Variants in NEDD4L observed in about 807,000 individuals in gnomAD.
The protein encoded by NEDD4L is NEDD4 like E3 ubiquitin protein ligase, also known as E3 ubiquitin-protein ligase NEDD4-like.
NEDD4L carries 54 observed loss-of-function variants against 148.9 expected under a neutral mutation model. That is an observed-to-expected ratio of 0.36 (90% confidence interval 0.29 to 0.45). NEDD4L has a LOEUF of 0.45. NEDD4L is among the 20% of genes least tolerant of loss of function. NEDD4L has a pLI of 1.00. For synonymous variants in NEDD4L, 433 were observed against 440.7 expected (o/e 0.98, Z 0.22); for missense variants, 856 against 1,233.8 (o/e 0.69, Z 4.59).
Position 58,235,131 on chromosome 18 carries a change from C to CT in NEDD4L, c.123-10295dup, listed in dbSNP as rs568378292. On this transcript the variant is annotated intron_variant, in intron 2 of 30. Coordinates refer to ENST00000400345, the MANE Select transcript of NEDD4L (RefSeq NM_001144967.3). The stretch of plus-strand genomic sequence containing the variant: ...GGACGGTGCTTGGCTCATATAAACA[C>CT]TCAGTGGCAAAGAGGTTGATGCTTA... Among the ~76,000 whole-genome samples, 416 of 151,862 alleles carry CT rather than the reference C, an allele frequency of 2.7e-3. 1 individual carries two copies. Among genetic ancestry groups the CT allele is most frequent in the African/African-American group, 9.5e-3 (392 of 41,388 alleles).
intron 11 of NEDD4L, 107 bp downstream of exon 11, chr18:58,331,021 C>G: frequency 9.0e-7 from 1 of 1,114,798 alleles, no homozygotes; most frequent in Non-Finnish European, 1.3e-6. Context: ...TTCCAGCTCC[C>G]AGCTAACTCT....
chr18:58,334,314 T>A (rs1029861074), intron 12 of NEDD4L, among the ~76,000 whole-genome samples: 2 of 152,182 alleles, frequency 1.3e-5, no homozygotes, highest in Non-Finnish European at 2.9e-5. Context: ...TGACCTGAAG[T>A]CTGAACTCTA....
At chr18:58,135,426 C>T (rs2440192) in intron 1 of NEDD4L, among the ~76,000 whole-genome samples, 18,962 of 152,156 alleles carry the variant, frequency 0.12, 1,241 homozygotes, top group South Asian at 0.23. Context: ...CTGAGAGTCC[C>T]GGCTGTGTTG....
intron 2 of NEDD4L, among the ~76,000 whole-genome samples, chr18:58,184,091 C>G (rs2039175585): frequency 6.6e-6 from 1 of 152,056 alleles, no homozygotes; most frequent in Non-Finnish European, 1.5e-5. Context: ...ATGGCGAGAA[C>G]CTGGGAGGTG....
intron 1 of NEDD4L, among the ~76,000 whole-genome samples, chr18:58,050,440 AGACTGGGT>A (rs1487773995): frequency 2.0e-5 from 3 of 151,990 alleles, no homozygotes; most frequent in Admixed American, 2.0e-4. Context: ...ACTGCACTCC[AGACTGGGT>A]GACAGAGTGA....
chr18:58,227,730 T>C (rs1446822659), intron 2 of NEDD4L: 1 of 201,136 alleles, frequency 5.0e-6, no homozygotes, highest in East Asian at 1.9e-4. Context: ...GTGTTCAACA[T>C]GCTGCAGTTA....
chr18:58,276,378 T>A (rs1425815237), intron 5 of NEDD4L, among the ~76,000 whole-genome samples: 3 of 151,972 alleles, frequency 2.0e-5, no homozygotes, highest in Admixed American at 1.3e-4. Flanking sequence ...CTAGCTAATT[T>A]TTGTATTTTT....
intron 19 of NEDD4L, among the ~76,000 whole-genome samples, chr18:58,357,956 T>C (rs553464059): frequency 1.3e-5 from 2 of 152,258 alleles, no homozygotes; most frequent in East Asian, 3.9e-4. Context: ...CCACCAGCTT[T>C]TGTCAGTGGC....
intron 1 of NEDD4L, among the ~76,000 whole-genome samples, chr18:58,089,281 A>C (rs1162822955): frequency 6.6e-6 from 1 of 151,716 alleles, no homozygotes; most frequent in African/African-American, 2.4e-5. Flanking sequence ...TTACAGGTGC[A>C]TGCCACCATG....
chr18:58,286,943 A>G (rs2053990635), intron 5 of NEDD4L, among the ~76,000 whole-genome samples: 1 of 152,216 alleles, frequency 6.6e-6, no homozygotes, highest in Non-Finnish European at 1.5e-5. Context: ...ATATGGGGAC[A>G]TTTGACTGTT....
intron 18 of NEDD4L, among the ~76,000 whole-genome samples, chr18:58,355,435 T>C (rs1033704323): frequency 6.6e-6 from 1 of 152,214 alleles, no homozygotes; most frequent in Non-Finnish European, 1.5e-5. Context: ...GAAACCCAGA[T>C]GCAGATGTCC....
chr18:58,353,763 T>C (rs141408397), intron 18 of NEDD4L, among the ~76,000 whole-genome samples: 5 of 152,316 alleles, frequency 3.3e-5, no homozygotes, highest in East Asian at 1.9e-4. Flanking sequence ...AACAATCTTA[T>C]AGCAAAACTC....
At position 58,252,139 on chromosome 18, in the gene NEDD4L, T is replaced by C; in HGVS notation, c.297+85T>C. On this transcript the variant is annotated intron_variant, in intron 5 of 30. Transcript: ENST00000400345. ...CAGCGTCTTTAAAACTCTGTGTTTATGTTGTACTTAGGACAGTATATGTGC... is the reference window on the plus strand; with the variant it reads ...CAGCGTCTTTAAAACTCTGTGTTTACGTTGTACTTAGGACAGTATATGTGC... 4.5e-6 allele frequency: 4 copies of C among 893,190 alleles called. No homozygotes were observed. In the Admixed American group the frequency reaches 5.3e-5, roughly 12 times the overall value. 55.3% of individuals were successfully genotyped at this position (893,190 alleles called of 1,614,324 possible).
chr18:58,391,562 G>A lies in NEDD4L; in HGVS notation c.2825+3G>A, dbSNP rs1299572369. The A allele has an allele frequency of 1.9e-6, 3 of 1,563,526 alleles. No individual in the cohort carries two copies. The highest frequency in any genetic ancestry group is 2.4e-5 in the South Asian group (2 of 84,760). ...AAACTGCCCAGAGCTCACACATGGT[G>A]AGTGACAAAAACACATGCATGTCAA... On this transcript the variant is annotated splice_donor_region_variant and intron_variant, in intron 30 of 30. Coordinates refer to ENST00000400345, the MANE Select transcript of NEDD4L (RefSeq NM_001144967.3).
Position 58,337,620 on chromosome 18 carries a change from G to GT in NEDD4L, c.1125+2092dup, listed in dbSNP as rs141588577. 6.1e-3 allele frequency among the ~76,000 whole-genome samples: 928 copies of GT among 151,060 alleles called. 5 individuals are homozygous for GT. The highest frequency in any genetic ancestry group is 0.01 in the Non-Finnish European group (685 of 67,730). ...CATGTATACATTACTTAGCAACTTG[G>GT]TTTTTTTTTAACTTATGTTCATTCT... is the stretch of plus-strand genomic sequence containing the variant. On this transcript the variant is annotated intron_variant, in intron 13 of 30. Coordinates refer to ENST00000400345, the MANE Select transcript of NEDD4L (RefSeq NM_001144967.3).
At chr18:58,250,450 C>A (rs2047786246) in intron 4 of NEDD4L, among the ~76,000 whole-genome samples, 1 of 152,158 alleles carries the variant, frequency 6.6e-6, no homozygotes, top group Non-Finnish European at 1.5e-5. Context: ...TATATTTATT[C>A]ATTTTACAAA....
At chr18:58,115,231 T>C (rs2085726513) in intron 1 of NEDD4L, among the ~76,000 whole-genome samples, 1 of 140,720 alleles carries the variant, frequency 7.1e-6, no homozygotes, top group South Asian at 2.2e-4. Context: ...CTTTTTTCTT[T>C]TCTTTCTTTC....
chr18:58,068,723 TAGG>T (rs2082729801), intron 1 of NEDD4L, among the ~76,000 whole-genome samples: 1 of 152,176 alleles, frequency 6.6e-6, no homozygotes, highest in African/African-American at 2.4e-5. Context: ...GCAGGAGACA[TAGG>T]AGAGGCTTGA....
chr18:58,167,757 C>T (rs2146664935), intron 2 of NEDD4L, among the ~76,000 whole-genome samples: 1 of 152,258 alleles, frequency 6.6e-6, no homozygotes, highest in African/African-American at 2.4e-5. Context: ...TAAACATTTG[C>T]ATGCCAACCG....
Sources: allele counts gnomAD v4.1 joint callset (sites outside exome capture counted in the v4.1 genomes callset), GRCh38; gene constraint gnomAD v4.1.1; transcripts MANE v1.5; gene names NCBI Gene and HGNC (gene_info 2026-07-23, HGNC 2026-07-21).